The following CLASP1 variants were observed in gnomAD, a reference collection of about 807,000 sequenced individuals.
The protein encoded by CLASP1 is cytoplasmic linker associated protein 1.
A neutral mutation model predicts 192.3 loss-of-function variants in CLASP1; 38 were observed. The observed-to-expected ratio is 0.20, with a 90% confidence interval of 0.15 to 0.26. The LOEUF is 0.26. Among genes scored for constraint, CLASP1 ranks in the 10% least tolerant of loss-of-function variants. CLASP1 has a pLI of 1.00. For missense variants in CLASP1, 1,433 were observed against 1,932.5 expected, an observed-to-expected ratio of 0.74 and a Z score of 4.85; for synonymous variants, 691 against 712.8, an observed-to-expected ratio of 0.97 and a Z score of 0.49.
intron 1 of CLASP1, among the ~76,000 whole-genome samples, chr2:121,618,717 G>A (rs1370913941): frequency 6.6e-6 from 1 of 152,050 alleles, no homozygotes; most frequent in Non-Finnish European, 1.5e-5. Flanking sequence ...TTAATTTGAT[G>A]TTTTTATTTC....
chr2:121,584,947 G>T lies in CLASP1; in HGVS notation c.195+20754C>A, dbSNP rs567441024. Among the ~76,000 whole-genome samples, 35 of 152,278 alleles carry T rather than the reference G, an allele frequency of 2.3e-4. No individual in the cohort carries two copies. The South Asian group carries it at 5.0e-3, about 22-fold the overall frequency. Reference sequence around the variant, plus strand: ...GAAACAAAAGAAGGCTATCACACTGGATGCTATAAAATGATCATAAAGCTA... The same window carrying T: ...GAAACAAAAGAAGGCTATCACACTGTATGCTATAAAATGATCATAAAGCTA... On this transcript the variant is annotated intron_variant, in intron 2 of 39. Transcript: ENST00000263710.
chr2:121,508,782 G>A (rs1244777503), intron 7 of CLASP1, among the ~76,000 whole-genome samples: 2 of 152,106 alleles, frequency 1.3e-5, no homozygotes, highest in Non-Finnish European at 1.5e-5. Context: ...TGGTTGAAAA[G>A]TAAAGGATGG....
chr2:121,365,419 A>T, intron 35 of CLASP1, 135 bp from the exon 37 acceptor site: 1 of 817,640 alleles, frequency 1.2e-6, no homozygotes, highest in South Asian at 1.6e-5. Flanking sequence ...TTCCCCTCCC[A>T]CCCTCCGCCC....
At chr2:121,387,033 G>C in intron 32 of CLASP1, 89 bp downstream of exon 33, 2 of 1,050,026 alleles carry the variant, frequency 1.9e-6, no homozygotes, top group Non-Finnish European at 2.9e-6. Context: ...TTGTTATTTA[G>C]CTTAGTCTAA....
Position 121,351,069 on chromosome 2 carries a change from G to A in CLASP1, c.4207-2351C>T, listed in dbSNP as rs138864556. ...GAAGGTGGCAGGGCAGTGCACTTGA[G>A]GAGCAGGCCGCACCTCATTCGTCTT... On this transcript the variant is annotated intron_variant, in intron 37 of 39. Coordinates refer to ENST00000263710, the Ensembl canonical transcript of CLASP1. Among the ~76,000 whole-genome samples, 111 of 152,310 alleles carry A rather than the reference G, an allele frequency of 7.3e-4. 1 individual carries two copies. The highest frequency in any genetic ancestry group is 2.5e-3 in the African/African-American group (102 of 41,550).
intron 7 of CLASP1, among the ~76,000 whole-genome samples, chr2:121,506,945 C>T (rs1242355612): frequency 6.6e-6 from 1 of 151,990 alleles, no homozygotes; most frequent in Non-Finnish European, 1.5e-5. Flanking sequence ...AAAGCAACAA[C>T]AAAAAATCTG....
At position 121,504,560 on chromosome 2, in the gene CLASP1, A is replaced by G. The variant is rs574138514; in HGVS notation, c.645-1326T>C. Among the ~76,000 whole-genome samples the G allele has an allele frequency of 3.9e-5, 6 of 152,340 alleles. No homozygotes were observed. The South Asian group carries it at 1.2e-3, about 32-fold the overall frequency. On this transcript the variant is annotated intron_variant, in intron 7 of 39. Transcript: ENST00000263710. The stretch of plus-strand genomic sequence containing the variant: ...CTAACTCCTCACTCTGGAAAACTGT[A>G]GGTATTCACACAAGCTCTGGTGTTA...
At chr2:121,604,687 C>T (rs145798537) in intron 2 of CLASP1, among the ~76,000 whole-genome samples, 9 of 152,232 alleles carry the variant, frequency 5.9e-5, no homozygotes, top group African/African-American at 1.2e-4. Context: ...TATACGAAGA[C>T]AGGTAGGATA....
At chr2:121,424,732 C>T (rs770607510) in intron 22 of CLASP1, among the ~76,000 whole-genome samples, 2 of 152,106 alleles carry the variant, frequency 1.3e-5, no homozygotes, top group Non-Finnish European at 2.9e-5. Context: ...TAGAGAAGAT[C>T]AGAATTAAAA....
chr2:121,482,294 T>G (rs867633005), intron 8 of CLASP1, among the ~76,000 whole-genome samples: 43 of 152,124 alleles, frequency 2.8e-4, no homozygotes, highest in Admixed American at 8.5e-4. Context: ...GCCCCACTAC[T>G]CTGCGAGTGT....
chr2:121,449,797 G>A (rs186955558), intron 16 of CLASP1, among the ~76,000 whole-genome samples: 1 of 152,286 alleles, frequency 6.6e-6, no homozygotes, highest in African/African-American at 2.4e-5. Context: ...TAATTTAACT[G>A]TGAAGGCAGT....
At position 121,454,155 on chromosome 2, in the gene CLASP1, C is replaced by T. The variant is rs141147915; in HGVS notation, c.1386-2306G>A. Reference sequence around the variant, plus strand: ...AGCGAATTTTATCTCCCTGCCCACCCCCCCCTCCAAAATTAATATGCTGAA... The same window carrying T: ...AGCGAATTTTATCTCCCTGCCCACCTCCCCCTCCAAAATTAATATGCTGAA... On this transcript the variant is annotated intron_variant, in intron 14 of 39. Transcript: ENST00000263710. Among the ~76,000 whole-genome samples the T allele has an allele frequency of 4.6e-5, 7 of 152,018 alleles. No individual in the cohort carries two copies. The South Asian group carries it at 1.5e-3, about 32-fold the overall frequency.
chr2:121,399,906 A>AT (rs1441265011), intron 28 of CLASP1, among the ~76,000 whole-genome samples: 4 of 152,180 alleles, frequency 2.6e-5, no homozygotes, highest in Non-Finnish European at 4.4e-5. Flanking sequence ...ATCTTAAAAA[A>AT]TTCTCAAATA....
chr2:121,517,203 G>A (rs2150358652), intron 6 of CLASP1, among the ~76,000 whole-genome samples: 1 of 152,290 alleles, frequency 6.6e-6, no homozygotes, highest in South Asian at 2.1e-4. Flanking sequence ...AAAAAGGTAG[G>A]AAGAAAAACA....
intron 6 of CLASP1, among the ~76,000 whole-genome samples, chr2:121,523,948 G>A (rs567221943): frequency 7.9e-5 from 12 of 152,350 alleles, no homozygotes; most frequent in Non-Finnish European, 1.6e-4. Context: ...GGGATGGACT[G>A]CAGTGTGGTG....
chr2:121,352,158 G>A (rs1456890132), intron 37 of CLASP1, among the ~76,000 whole-genome samples: 2 of 152,236 alleles, frequency 1.3e-5, no homozygotes, highest in Admixed American at 6.5e-5. Context: ...TAGATGGGAG[G>A]AGGAAGGAGC....
intron 2 of CLASP1, among the ~76,000 whole-genome samples, chr2:121,551,038 A>G: frequency 6.6e-6 from 1 of 152,262 alleles, no homozygotes; most frequent in Middle Eastern, 3.2e-3. Context: ...AATAAGCTTC[A>G]TCCCTGGGAT....
At chr2:121,440,006 C>T (rs1261772692) in intron 19 of CLASP1, among the ~76,000 whole-genome samples, 1 of 147,976 alleles carries the variant, frequency 6.8e-6, no homozygotes, top group African/African-American at 2.5e-5. Flanking sequence ...GTGGGTGCAG[C>T]GCACCAGCAT....
At chr2:121,540,240 G>A (rs2095199355) in intron 2 of CLASP1, among the ~76,000 whole-genome samples, 2 of 152,288 alleles carry the variant, frequency 1.3e-5, no homozygotes, top group East Asian at 1.9e-4. Flanking sequence ...ACTAAGAGAT[G>A]CAATAAACAC....
Sources: allele counts gnomAD v4.1 joint callset (sites outside exome capture counted in the v4.1 genomes callset), GRCh38; gene constraint gnomAD v4.1.1; transcripts MANE v1.5; gene names NCBI Gene and HGNC (gene_info 2026-07-23, HGNC 2026-07-21).